USP6: variants seen among roughly 807,000 people sequenced by gnomAD.
The protein encoded by USP6 is ubiquitin specific peptidase 6.
In USP6, 128 loss-of-function variants were observed where a neutral mutation model predicts 175.7. That is an observed-to-expected ratio of 0.73 (90% CI 0.63 to 0.84). The LOEUF is 0.84. Among genes scored for constraint, USP6 ranks in the 40% least tolerant of loss-of-function variants. The pLI, the probability that USP6 is intolerant of heterozygous loss-of-function variation, is 0.00. For synonymous variants in USP6, 562 were observed against 630.6 expected (o/e 0.89, Z 1.63); for missense variants, 1,498 against 1,760.3 (o/e 0.85, Z 2.67).
chr17:5,141,343 T>C, intron 22 of USP6, 82 bp from the exon 23 acceptor site: 1 of 1,301,454 alleles, frequency 7.7e-7, no homozygotes, highest in Non-Finnish European at 1.1e-6. Flanking sequence ...ATAAGATGTC[T>C]TTAAAAAAAA....
intron 15 of USP6, 43 bp from the exon 16 acceptor site, chr17:5,135,191 A>C: frequency 6.2e-7 from 1 of 1,603,726 alleles, no homozygotes; most frequent in South Asian, 1.1e-5. Context: ...AACTAACAGC[A>C]TCTGCACAAA....
rs2074272850 is a variant in USP6 at position 5,173,783 on chromosome 17, T to G, written c.*805T>G. 4.5e-6 allele frequency: 1 copy of G among 222,028 alleles called. No homozygotes were observed. Among genetic ancestry groups the G allele is most frequent in the Non-Finnish European group, 9.0e-6 (1 of 110,770 alleles). The allele number at this position is 222,028 out of a possible 1,614,324, so 13.8% of individuals were successfully genotyped here. On this transcript the variant is annotated 3_prime_UTR_variant, in exon 38 of 38. Coordinates refer to ENST00000574788, the MANE Select transcript of USP6 (RefSeq NM_001304284.2). ...TATTCTGCACCCCCGGCCCCGCCCA[T>G]GCTGAGGGAAGGGGAGCAGTTGCCA...
At chr17:5,133,037 A>T (rs775395663) in intron 13 of USP6, 47 bp downstream of exon 13, 2 of 1,599,820 alleles carry the variant, frequency 1.3e-6, no homozygotes, top group East Asian at 2.2e-5. Context: ...CTGCAGAAAC[A>T]GGGGACAGGC....
intron 32 of USP6, among the ~76,000 whole-genome samples, chr17:5,161,849 TA>T (rs1442889456): frequency 6.6e-6 from 1 of 152,136 alleles, no homozygotes; most frequent in African/African-American, 2.4e-5. Context: ...CCATCTCTAC[TA>T]AAAATACAAA....
rs556000985 is a variant in USP6, at chr17:5,136,627, G to C, written c.665-13G>C. On this transcript the variant is annotated splice_polypyrimidine_tract_variant and intron_variant, in intron 17 of 37. Coordinates refer to ENST00000574788, the MANE Select transcript of USP6 (RefSeq NM_001304284.2). ...GAAGGCTCTGATTTCATGATGGGCT[G>C]GGGGCTTCTCAGGATTCCACAGCCC... The C allele has an allele frequency of 5.0e-6, 8 of 1,610,926 alleles. No individual in the cohort carries two copies. In the Admixed American group the frequency reaches 1.3e-4, roughly 27 times the overall value.
chr17:5,168,050 A>C lies in USP6; in HGVS notation c.3155A>C (p.Tyr1052Ser), dbSNP rs755242414. The change falls in exon 34 of 38, where the codon TAC (tyrosine) becomes TCC (serine). Residue 1052 changes from tyrosine to serine, a missense_variant. Tyr to Ser is a moderately radical substitution (Grantham distance 144, BLOSUM62 -2). Around this residue, in one of 2 missense-constraint regions of USP6, gnomAD observed 1,217 missense variants for 1,500.8 expected, o/e 0.81. Coordinates refer to ENST00000574788, the MANE Select transcript of USP6 (RefSeq NM_001304284.2). ...SEEELGESEM[Y>S]YCSKCKTHCL... is the part of the protein sequence containing the mutation. Reference sequence around the variant, plus strand: ...GAAGAGCTAGGGGAAAGTGAGATGTACTACTGTTCCAAGTGTAAGACCCAC... The same window carrying C: ...GAAGAGCTAGGGGAAAGTGAGATGTCCTACTGTTCCAAGTGTAAGACCCAC... 2 of 1,612,018 alleles carry C rather than the reference A, an allele frequency of 1.2e-6. No individual in the cohort carries two copies. The highest frequency in any genetic ancestry group is 2.2e-5 in the South Asian group (2 of 90,986).
intron 9 of USP6, 128 bp downstream of exon 9, chr17:5,130,217 G>C: frequency 1.4e-6 from 1 of 696,858 alleles, no homozygotes; most frequent in Non-Finnish European, 2.5e-6. Context: ...TGGAGGTGTG[G>C]GCCATGGGGT....
intron 33 of USP6, among the ~76,000 whole-genome samples, chr17:5,163,922 G>A (rs1020409702): frequency 6.6e-6 from 1 of 152,216 alleles, no homozygotes; most frequent in Non-Finnish European, 1.5e-5. Flanking sequence ...TGTCTGGCCA[G>A]AGCAATTTTT....
At position 5,130,551 on chromosome 17, in the gene USP6, C is replaced by T. The variant is rs530810934; in HGVS notation, c.73-51C>T. 5 of 1,611,738 alleles carry T rather than the reference C, an allele frequency of 3.1e-6. No individual in the cohort carries two copies. The Admixed American group carries it at 6.7e-5, about 21-fold the overall frequency. On this transcript the variant is annotated intron_variant, in intron 10 of 37. Transcript: ENST00000574788. ...GGACGGGTGGCCAATACCCCCAGGC[C>T]CTTGCACCCTTTACCTTGGACCCCT... is the stretch of plus-strand genomic sequence containing the variant.
chr17:5,120,489 G>A (rs1417821645), intron 2 of USP6, 138 bp from the exon 3 acceptor site: 2 of 324,534 alleles, frequency 6.2e-6, no homozygotes, highest in Non-Finnish European at 1.2e-5. Flanking sequence ...CCTTCAGGGT[G>A]AGGAGCTGTT....
At chr17:5,134,053 G>A in intron 15 of USP6, 57 bp downstream of exon 15, 1 of 1,552,552 alleles carries the variant, frequency 6.4e-7, no homozygotes, top group Non-Finnish European at 8.9e-7. Flanking sequence ...AGAGGGATGG[G>A]GACTTCCCCG....
At chr17:5,133,056 C>T in intron 13 of USP6, 66 bp downstream of exon 13, 1 of 1,573,138 alleles carries the variant, frequency 6.4e-7, no homozygotes, top group Non-Finnish European at 8.7e-7. Flanking sequence ...GCACCCATGG[C>T]TGTGGCCTGG....
intron 16 of USP6, 101 bp from the exon 17 acceptor site, chr17:5,135,707 G>A (rs2073231178): frequency 1.3e-6 from 2 of 1,593,700 alleles, no homozygotes; most frequent in Non-Finnish European, 1.7e-6. Context: ...TTCAGAGGAA[G>A]CCTCCCCAGT....
intron 31 of USP6, among the ~76,000 whole-genome samples, chr17:5,159,201 A>G (rs1567808100): frequency 6.6e-6 from 1 of 152,218 alleles, no homozygotes; most frequent in Non-Finnish European, 1.5e-5. Flanking sequence ...TGAAAGAATC[A>G]TTAGAATAGG....
chr17:5,146,667 C>T (rs1431672371), intron 28 of USP6, among the ~76,000 whole-genome samples: 1 of 152,150 alleles, frequency 6.6e-6, no homozygotes, highest in Non-Finnish European at 1.5e-5. Context: ...AACAAATAAT[C>T]TAATAAATAT....
intron 11 of USP6, among the ~76,000 whole-genome samples, chr17:5,130,977 C>T (rs1023351537): frequency 6.6e-6 from 1 of 152,204 alleles, no homozygotes; most frequent in Non-Finnish European, 1.5e-5. Context: ...AGCGGGGCAG[C>T]CTGAGGTTCT....
chr17:5,132,885 A>G lies in USP6; in HGVS notation c.196-25A>G. On this transcript the variant is annotated intron_variant, in intron 12 of 37. Coordinates refer to ENST00000574788, the MANE Select transcript of USP6 (RefSeq NM_001304284.2). This position sits in a 1 kb window ranked among gnomAD's most constrained non-coding sequence, Gnocchi z 4.7. ...CTCTGGGAAGCCTGGCAGCTCCACT[A>G]ACTCCAACATGCCTCATTTGACAGA... 1.9e-6 allele frequency: 3 copies of G among 1,613,924 alleles called. No homozygotes were observed. Among genetic ancestry groups the G allele is most frequent in the Non-Finnish European group, 1.7e-6 (2 of 1,179,792 alleles).
chr17:5,143,291 TG>T (rs2073506578), intron 25 of USP6, among the ~76,000 whole-genome samples: 1 of 152,118 alleles, frequency 6.6e-6, no homozygotes, highest in Non-Finnish European at 1.5e-5. Context: ...ATGACGACAA[TG>T]GCGGTTTTGT....
At chr17:5,147,619 A>C (rs1406795922) in intron 29 of USP6, among the ~76,000 whole-genome samples, 1 of 152,212 alleles carries the variant, frequency 6.6e-6, no homozygotes, top group Admixed American at 6.5e-5. Flanking sequence ...CAATTAGGTT[A>C]ATTAGGCTAA....
Sources: gnomAD v4.1 joint callset for allele counts (sites outside exome capture counted in the v4.1 genomes callset) on GRCh38, gnomAD v4.1.1 for gene constraint, gnomAD v4.1.1 regional missense constraint, Gnocchi (gnomAD v3.1) non-coding constraint, MANE v1.5 for transcripts, NCBI Gene and HGNC (gene_info 2026-07-23, HGNC 2026-07-21) for gene names.